KCNIP4: variants seen among roughly 807,000 people sequenced by gnomAD.
KCNIP4 encodes the protein potassium voltage-gated channel interacting protein 4, also known as Kv channel-interacting protein 4.
KCNIP4 carries 12 observed loss-of-function variants against 34.0 expected under a neutral mutation model. That is an observed-to-expected ratio of 0.35 (90% CI 0.23 to 0.57). The LOEUF (loss-of-function observed/expected upper bound fraction) is 0.57, where lower values mean the gene tolerates loss of function less well. KCNIP4 is among the 20% of genes least tolerant of loss of function. The pLI is 0.83. For synonymous variants in KCNIP4, 124 were observed against 102.2 expected (o/e 1.21, Z -1.29); for missense variants, 238 against 311.7 (o/e 0.76, Z 1.78).
At chr4:21,035,590 C>A (rs1033613320) in intron 1 of KCNIP4, among the ~76,000 whole-genome samples, 4 of 152,102 alleles carry the variant, frequency 2.6e-5, no homozygotes, top group Non-Finnish European at 5.9e-5. Context: ...CCATTTTTGA[C>A]CTTGAGTCTT....
chr4:21,909,962 A>C (rs964951457), intron 1 of KCNIP4, among the ~76,000 whole-genome samples: 9 of 152,038 alleles, frequency 5.9e-5, no homozygotes, highest in African/African-American at 2.2e-4. Context: ...ACATGTGGGA[A>C]TTGTGGGAGC....
chr4:21,107,824 G>A (rs1351645245), intron 1 of KCNIP4, among the ~76,000 whole-genome samples: 1 of 151,256 alleles, frequency 6.6e-6, no homozygotes, highest in Non-Finnish European at 1.5e-5. Context: ...GCATTTGCTT[G>A]TCTGTAAAGT....
chr4:21,868,158 C>T (rs1158193053), intron 1 of KCNIP4, among the ~76,000 whole-genome samples: 13 of 152,112 alleles, frequency 8.5e-5, no homozygotes. Flanking sequence ...GTAACCTAAA[C>T]TCACAAAGGC....
chr4:21,614,944 C>G (rs1744472260), intron 1 of KCNIP4, among the ~76,000 whole-genome samples: 1 of 152,142 alleles, frequency 6.6e-6, no homozygotes, highest in African/African-American at 2.4e-5. Context: ...CATCCTGCAA[C>G]TCTCACGAGT....
intron 3 of KCNIP4, among the ~76,000 whole-genome samples, chr4:20,801,689 A>G (rs900168916): frequency 6.6e-6 from 1 of 152,124 alleles, no homozygotes; most frequent in Admixed American, 6.5e-5. Context: ...TGGCAGATAT[A>G]CAAACAATAA....
At chr4:21,352,494 G>A (rs1304931409) in intron 1 of KCNIP4, among the ~76,000 whole-genome samples, 1 of 152,216 alleles carries the variant, frequency 6.6e-6, no homozygotes, top group Non-Finnish European at 1.5e-5. Flanking sequence ...TGGCTCAGTG[G>A]GTCCCATGAC....
chr4:20,937,687 A>G (rs1244192376), intron 1 of KCNIP4, among the ~76,000 whole-genome samples: 1 of 152,200 alleles, frequency 6.6e-6, no homozygotes, highest in Non-Finnish European at 1.5e-5. Context: ...TCAAGTTTTA[A>G]GACTTGAAAA....
intron 1 of KCNIP4, among the ~76,000 whole-genome samples, chr4:21,635,253 T>G (rs1422939233): frequency 1.3e-5 from 2 of 152,142 alleles, no homozygotes; most frequent in East Asian, 3.9e-4. Flanking sequence ...GCAGCATCCT[T>G]TCTAATGTCA....
intron 1 of KCNIP4, among the ~76,000 whole-genome samples, chr4:21,888,922 C>T (rs1726936275): frequency 6.6e-6 from 1 of 152,108 alleles, no homozygotes; most frequent in Admixed American, 6.6e-5. Context: ...ACAAGTTAAG[C>T]ATATCGAATC....
chr4:20,971,649 C>T (rs146246699), intron 1 of KCNIP4, among the ~76,000 whole-genome samples: 1 of 152,254 alleles, frequency 6.6e-6, no homozygotes, highest in African/African-American at 2.4e-5. Flanking sequence ...AAAAGATTAG[C>T]AAGTATAATA....
At chr4:20,909,836 C>T (rs755074872) in intron 1 of KCNIP4, among the ~76,000 whole-genome samples, 1 of 152,096 alleles carries the variant, frequency 6.6e-6, no homozygotes, top group Non-Finnish European at 1.5e-5. Context: ...ACATCCTTCT[C>T]TCTTACTTGT....
intron 3 of KCNIP4, among the ~76,000 whole-genome samples, chr4:20,827,447 C>T (rs755968875): frequency 6.6e-5 from 10 of 152,130 alleles, no homozygotes; most frequent in South Asian, 2.1e-4. Context: ...CTTATGAAGA[C>T]GCAAGTCATA....
At chr4:20,991,268 G>A (rs1240665441) in intron 1 of KCNIP4, among the ~76,000 whole-genome samples, 3 of 152,204 alleles carry the variant, frequency 2.0e-5, no homozygotes, top group African/African-American at 7.2e-5. Context: ...CTTCAGAAAA[G>A]TAGGATGTGA....
At chr4:21,822,127 G>T (rs544864555) in intron 1 of KCNIP4, among the ~76,000 whole-genome samples, 34 of 152,200 alleles carry the variant, frequency 2.2e-4, no homozygotes, top group African/African-American at 8.2e-4. Context: ...TTTCTACCTG[G>T]CATCCTAGCA....
intron 3 of KCNIP4, among the ~76,000 whole-genome samples, chr4:20,769,510 C>T (rs960771226): frequency 6.6e-6 from 1 of 152,084 alleles, no homozygotes; most frequent in Non-Finnish European, 1.5e-5. Flanking sequence ...GCACCCAAAA[C>T]CATTTAGTGG....
At chr4:21,271,003 A>AAT in intron 1 of KCNIP4, among the ~76,000 whole-genome samples, 1 of 151,910 alleles carries the variant, frequency 6.6e-6, no homozygotes. Flanking sequence ...AAAAAAAAAA[A>AAT]AGATTGTAAA....
rs557536701 is a variant in KCNIP4, at chr4:21,789,803, T to C, written c.61+158768A>G. ...AGAAATCAAGGGAGGCAGAACCTTATGTTATTCCTTCTAGTTAAATAAACA... is the reference window on the plus strand; with the variant it reads ...AGAAATCAAGGGAGGCAGAACCTTACGTTATTCCTTCTAGTTAAATAAACA... On this transcript the variant is annotated intron_variant, in intron 1 of 8. Transcript: ENST00000382152. 7.9e-5 allele frequency among the ~76,000 whole-genome samples: 12 copies of C among 152,320 alleles called. No homozygotes were observed. In the East Asian group the frequency reaches 1.9e-3, roughly 24 times the overall value.
chr4:21,019,450 G>T (rs1444450981), intron 1 of KCNIP4, among the ~76,000 whole-genome samples: 4 of 152,094 alleles, frequency 2.6e-5, no homozygotes, highest in African/African-American at 9.7e-5. Flanking sequence ...GAGCCACCGC[G>T]CCCAGCCAAT....
intron 1 of KCNIP4, among the ~76,000 whole-genome samples, chr4:21,861,772 T>C (rs921098114): frequency 6.6e-6 from 1 of 152,122 alleles, no homozygotes; most frequent in African/African-American, 2.4e-5. Context: ...CGACCATTGT[T>C]CTTTCTTCCA....
Sources: allele counts gnomAD v4.1 joint callset (sites outside exome capture counted in the v4.1 genomes callset), GRCh38; gene constraint gnomAD v4.1.1; transcripts MANE v1.5; gene names NCBI Gene and HGNC (gene_info 2026-07-23, HGNC 2026-07-21).